GALNT13: variants seen among roughly 807,000 people sequenced by gnomAD.
GALNT13 encodes the protein polypeptide N-acetylgalactosaminyltransferase 13.
Under a neutral mutation model 64.2 loss-of-function variants are expected in GALNT13, and 28 were observed. That is an observed-to-expected ratio of 0.44 (90% CI 0.32 to 0.60). The LOEUF is 0.60. Ranked by LOEUF, GALNT13 falls within the 20% of genes least tolerant of loss-of-function variation. GALNT13 has a pLI of 0.05. For missense variants in GALNT13, 577 were observed against 669.8 expected (o/e 0.86, Z 1.53); for synonymous variants, 214 against 224.6 (o/e 0.95, Z 0.42).
intron 8 of GALNT13, among the ~76,000 whole-genome samples, chr2:154,268,894 C>T (rs1457237849): frequency 6.6e-6 from 1 of 151,964 alleles, no homozygotes; most frequent in Non-Finnish European, 1.5e-5. Context: ...TTATAATTAC[C>T]CTTAAAATAA....
At chr2:153,933,193 T>A (rs1001560494) in intron 2 of GALNT13, among the ~76,000 whole-genome samples, 1 of 152,176 alleles carries the variant, frequency 6.6e-6, no homozygotes, top group Non-Finnish European at 1.5e-5. Flanking sequence ...TCTGCCTCAA[T>A]GATCTGTCTA....
intron 8 of GALNT13, among the ~76,000 whole-genome samples, chr2:154,273,669 A>G (rs2105926609): frequency 6.6e-6 from 1 of 152,292 alleles, no homozygotes; most frequent in East Asian, 1.9e-4. Context: ...ACAGTTGCCC[A>G]CAGCATTCAT....
chr2:153,561,669 GGT>G, the GALNT13 span, among the ~76,000 whole-genome samples: 186 of 138,802 alleles, frequency 1.3e-3, 1 homozygote, highest in African/African-American at 5.0e-3. Context: ...GTGTGTGTGT[GGT>G]GTGTATTAAT....
the GALNT13 span, among the ~76,000 whole-genome samples, chr2:153,487,496 A>G: frequency 6.6e-6 from 1 of 152,234 alleles, no homozygotes; most frequent in South Asian, 2.1e-4. Context: ...TATGTGTATA[A>G]CATTCTCTAG....
chr2:154,436,517 T>C (rs1700981834), intron 11 of GALNT13: 1 of 152,242 alleles, frequency 6.6e-6, no homozygotes, highest in African/African-American at 2.4e-5. Context: ...GAAGCAATTC[T>C]AATGTCGAAG....
At chr2:153,688,186 T>C in the GALNT13 span, among the ~76,000 whole-genome samples, 1 of 151,998 alleles carries the variant, frequency 6.6e-6, no homozygotes, top group East Asian at 1.9e-4. Context: ...GTATGGTCGA[T>C]GGCTGCTATA....
chr2:153,206,785 T>C, the GALNT13 span, among the ~76,000 whole-genome samples: 1 of 152,094 alleles, frequency 6.6e-6, no homozygotes, highest in Non-Finnish European at 1.5e-5. Flanking sequence ...AAGAAATATT[T>C]TATGTGAATT....
chr2:154,345,175 G>T (rs1393029215), intron 9 of GALNT13, among the ~76,000 whole-genome samples: 2 of 152,010 alleles, frequency 1.3e-5, no homozygotes, highest in Non-Finnish European at 2.9e-5. Context: ...TAAAGATATT[G>T]TTGATTAATG....
the GALNT13 span, among the ~76,000 whole-genome samples, chr2:153,690,500 G>C: frequency 6.6e-6 from 1 of 152,018 alleles, no homozygotes; most frequent in African/African-American, 2.4e-5. Flanking sequence ...TGCTGGGTAC[G>C]ACCTTAAAAA....
the GALNT13 span, among the ~76,000 whole-genome samples, chr2:153,250,652 C>G: frequency 6.6e-6 from 1 of 152,160 alleles, no homozygotes; most frequent in Non-Finnish European, 1.5e-5. Context: ...CAGTGGCAGA[C>G]TGGATAAAGA....
chr2:153,797,938 C>T, the GALNT13 span, among the ~76,000 whole-genome samples: 433 of 152,220 alleles, frequency 2.8e-3, 2 homozygotes, highest in Non-Finnish European at 4.7e-3. Flanking sequence ...TGACATAAGC[C>T]CTACCATCAT....
At chr2:154,154,311 C>A (rs1316188175) in intron 4 of GALNT13, among the ~76,000 whole-genome samples, 2 of 152,116 alleles carry the variant, frequency 1.3e-5, no homozygotes, top group East Asian at 1.9e-4. Flanking sequence ...ACAGTTCAGA[C>A]AGAAGGTATG....
intron 2 of GALNT13, among the ~76,000 whole-genome samples, chr2:153,943,082 G>T (rs1031289647): frequency 3.3e-5 from 5 of 152,058 alleles, no homozygotes; most frequent in Non-Finnish European, 7.4e-5. Flanking sequence ...AATATGTTTT[G>T]TCTGATTTAC....
chr2:153,423,449 A>T, the GALNT13 span: 2 of 151,936 alleles, frequency 1.3e-5, no homozygotes, highest in African/African-American at 4.8e-5. Flanking sequence ...TAAATCGAGA[A>T]CAAGGCCTCA....
chr2:153,334,218 A>T, the GALNT13 span, among the ~76,000 whole-genome samples: 2 of 152,328 alleles, frequency 1.3e-5, no homozygotes, highest in South Asian at 2.1e-4. Context: ...CATTGGATTG[A>T]ATGGAAAAAT....
chr2:153,279,170 G>T, the GALNT13 span, among the ~76,000 whole-genome samples: 4 of 151,966 alleles, frequency 2.6e-5, no homozygotes, highest in African/African-American at 4.8e-5. Context: ...GAATGTTATT[G>T]GTGTATAGAA....
At chr2:153,169,477 T>C in the GALNT13 span, among the ~76,000 whole-genome samples, 1 of 152,202 alleles carries the variant, frequency 6.6e-6, no homozygotes, top group African/African-American at 2.4e-5. Flanking sequence ...ACAAAGTTTC[T>C]ACAGGAATTA....
intron 4 of GALNT13, among the ~76,000 whole-genome samples, chr2:154,144,363 A>G (rs1468185769): frequency 6.6e-6 from 1 of 152,182 alleles, no homozygotes; most frequent in African/African-American, 2.4e-5. Context: ...AAATATTTTT[A>G]TAATTTGATT....
chr2:153,990,595 A>G (rs1330492938), intron 3 of GALNT13, among the ~76,000 whole-genome samples: 2 of 152,118 alleles, frequency 1.3e-5, no homozygotes, highest in African/African-American at 4.8e-5. Context: ...GTATTTTGAG[A>G]ATGTGTTTCA....
Sources: allele counts gnomAD v4.1 joint callset (sites outside exome capture counted in the v4.1 genomes callset), GRCh38; gene constraint gnomAD v4.1.1; transcripts MANE v1.5; gene names NCBI Gene and HGNC (gene_info 2026-07-23, HGNC 2026-07-21).